Variants in RASSF9 observed in about 807,000 individuals in gnomAD.
The protein encoded by RASSF9 is Ras association domain family member 9.
RASSF9 carries 18 observed loss-of-function variants against 21.4 expected under a neutral mutation model. The ratio of observed to expected loss-of-function variants is 0.84; its 90% CI spans 0.58 to 1.25. RASSF9 has a LOEUF of 1.25. Ranked by LOEUF, RASSF9 falls within the 50% of genes most tolerant of loss-of-function variation. The pLI is 0.00. For missense variants in RASSF9, 480 were observed against 503.2 expected, an observed-to-expected ratio of 0.95 and a Z score of 0.44; for synonymous variants, 183 against 179.1, an observed-to-expected ratio of 1.02 and a Z score of -0.18.
At chr12:85,808,547 C>T (rs1397332472) in intron 1 of RASSF9, among the ~76,000 whole-genome samples, 1 of 152,004 alleles carries the variant, frequency 6.6e-6, no homozygotes, top group Non-Finnish European at 1.5e-5. Flanking sequence ...AGATATAAGA[C>T]ACAAATACTG....
At chr12:85,812,242 C>A (rs1879969339) in intron 1 of RASSF9, among the ~76,000 whole-genome samples, 1 of 151,490 alleles carries the variant, frequency 6.6e-6, no homozygotes, top group Admixed American at 6.6e-5. Flanking sequence ...CATAACTATT[C>A]TTAGTTGTAT....
rs1879717619 is a variant in RASSF9 at position 85,802,094 on chromosome 12, T to C, written c.*2608A>G. The stretch of plus-strand genomic sequence containing the variant: ...TGACCAAGGATGAATCTAGGTCCTG[T>C]TACAGAAATTAAGAATAGTCAGCTT... On this transcript the variant is annotated 3_prime_UTR_variant, in exon 2 of 2. Transcript: ENST00000361228. The C allele has an allele frequency of 6.6e-6, 1 of 152,208 alleles. No individual in the cohort carries two copies. The highest frequency in any genetic ancestry group is 2.1e-4 in the South Asian group (1 of 4,838). The allele number at this position is 152,208 out of a possible 1,614,324, so 9.4% of individuals were successfully genotyped here. A position where few individuals can be genotyped will look rare whatever the true frequency, so the allele number is the denominator to read the frequency against.
At chr12:85,825,764 G>A (rs1220097599) in intron 1 of RASSF9, among the ~76,000 whole-genome samples, 1 of 147,222 alleles carries the variant, frequency 6.8e-6, no homozygotes, top group Non-Finnish European at 1.5e-5. Flanking sequence ...AGATCAAAAG[G>A]TAAAAATAAT....
rs1253451394 is a variant in RASSF9 at position 85,802,571 on chromosome 12, A to T, written c.*2131T>A. The T allele has an allele frequency of 6.6e-6, 1 of 152,198 alleles. No individual in the cohort carries two copies. Among genetic ancestry groups the T allele is most frequent in the Non-Finnish European group, 1.5e-5 (1 of 68,004 alleles). 9.4% of individuals were successfully genotyped at this position (152,198 alleles called of 1,614,324 possible). ...CTGTGCTTAACTGTATAAAAGCAGA[A>T]GTTAATTCAAAGTTTCTAAGATGAA... On this transcript the variant is annotated 3_prime_UTR_variant, in exon 2 of 2. Transcript: ENST00000361228.
chr12:85,822,574 C>G (rs549747190), intron 1 of RASSF9, among the ~76,000 whole-genome samples: 1 of 152,236 alleles, frequency 6.6e-6, no homozygotes, highest in South Asian at 2.1e-4. Flanking sequence ...AGATATTATT[C>G]TTGGGAACAT....
At chr12:85,818,478 C>T (rs1880127836) in intron 1 of RASSF9, among the ~76,000 whole-genome samples, 1 of 152,042 alleles carries the variant, frequency 6.6e-6, no homozygotes, top group Non-Finnish European at 1.5e-5. Context: ...TATCTGAGTT[C>T]GATTTGAACC....
intron 1 of RASSF9, among the ~76,000 whole-genome samples, chr12:85,821,150 T>G (rs773544500): frequency 3.3e-5 from 5 of 150,784 alleles, no homozygotes; most frequent in Non-Finnish European, 5.9e-5. Context: ...AAATAAAAAA[T>G]AAAAGAAAAA....
chr12:85,833,399 C>T (rs149244321), intron 1 of RASSF9, among the ~76,000 whole-genome samples: 2,151 of 151,962 alleles, frequency 0.014, 14 homozygotes, highest in Non-Finnish European at 0.022. Flanking sequence ...ACAGATATGA[C>T]CCCACCTTCT....
intron 1 of RASSF9, among the ~76,000 whole-genome samples, chr12:85,820,126 A>G (rs531380226): frequency 9.2e-5 from 14 of 152,334 alleles, no homozygotes; most frequent in African/African-American, 3.4e-4. Context: ...TGTGTTTTAC[A>G]TTTTTAAATG....
Position 85,836,177 on chromosome 12 carries a change from G to A in RASSF9, c.25C>T (p.Leu9=). The change falls in exon 1 of 2, where the codon CTA becomes TTA. Residue 9 remains leucine, a synonymous_variant. Transcript: ENST00000361228. ...TACCTGTTTTTATGCCGAGTCTTTA[G>A]CAAGTTTCTTCCAAAGGGAGCCATG... The part of the protein sequence containing the change: MAPFGRNL[L]KTRHKNRSPT... 1.3e-6 allele frequency: 2 copies of A among 1,529,478 alleles called. No homozygotes were observed. The highest frequency in any genetic ancestry group is 1.4e-5 in the African/African-American group (1 of 71,482). 94.7% of individuals were successfully genotyped at this position (1,529,478 alleles called of 1,614,324 possible).
chr12:85,823,761 A>G (rs1300977471), intron 1 of RASSF9, among the ~76,000 whole-genome samples: 3 of 152,220 alleles, frequency 2.0e-5, no homozygotes, highest in Non-Finnish European at 2.9e-5. Flanking sequence ...GAGGCAAACC[A>G]TCGAAATCAA....
At chr12:85,828,247 C>A (rs930095656) in intron 1 of RASSF9, among the ~76,000 whole-genome samples, 1 of 151,962 alleles carries the variant, frequency 6.6e-6, no homozygotes, top group Non-Finnish European at 1.5e-5. Flanking sequence ...CTTAGAACAT[C>A]ATGTATATTT....
chr12:85,815,858 A>G lies in RASSF9; in HGVS notation c.48-9896T>C, dbSNP rs115105202. ...GCTAGATATAAAAATGCATGTACATACGCATATTTCATTGCAGCACTATTC... is the reference window on the plus strand; with the variant it reads ...GCTAGATATAAAAATGCATGTACATGCGCATATTTCATTGCAGCACTATTC... On this transcript the variant is annotated intron_variant, in intron 1 of 1. Transcript: ENST00000361228. Among the ~76,000 whole-genome samples the G allele has an allele frequency of 9.5e-3, 1,446 of 152,128 alleles. 27 individuals are homozygous for G. The highest frequency in any genetic ancestry group is 0.033 in the African/African-American group (1,350 of 41,518).
rs1879698451 is a variant in RASSF9, at chr12:85,801,477, G to A, written c.*3225C>T. The A allele has an allele frequency of 2.0e-5, 3 of 152,118 alleles. No homozygotes were observed. Among genetic ancestry groups the A allele is most frequent in the African/African-American group, 7.2e-5 (3 of 41,424 alleles). The allele number at this position is 152,118 out of a possible 1,614,324, so 9.4% of individuals were successfully genotyped here. A position where few individuals can be genotyped will look rare whatever the true frequency, so the allele number is the denominator to read the frequency against. On this transcript the variant is annotated 3_prime_UTR_variant, in exon 2 of 2. Transcript: ENST00000361228. ...GGAGCAGGGGGCAAAGAAGTTAATA[G>A]GAAAGAGTAAGGCTAACAAGACAGA...
chr12:85,825,942 C>A (rs1206177186), intron 1 of RASSF9, among the ~76,000 whole-genome samples: 1 of 152,088 alleles, frequency 6.6e-6, no homozygotes, highest in East Asian at 1.9e-4. Context: ...GATTAGTCAG[C>A]CTGACAGCCC....
chr12:85,824,364 T>G (rs985773695), intron 1 of RASSF9, among the ~76,000 whole-genome samples: 4 of 152,104 alleles, frequency 2.6e-5, no homozygotes, highest in Non-Finnish European at 5.9e-5. Flanking sequence ...ACTGTTTGTT[T>G]TATCCTTTCT....
chr12:85,806,881 A>C (rs915084036), intron 1 of RASSF9, among the ~76,000 whole-genome samples: 8 of 152,058 alleles, frequency 5.3e-5, no homozygotes, highest in African/African-American at 1.7e-4. Context: ...AAATGGAAAA[A>C]TCGTCATTCT....
At chr12:85,813,068 T>G (rs914632635) in intron 1 of RASSF9, among the ~76,000 whole-genome samples, 4 of 151,878 alleles carry the variant, frequency 2.6e-5, no homozygotes, top group African/African-American at 9.7e-5. Flanking sequence ...CACATTTCAC[T>G]GAAAAGATAG....
At chr12:85,808,587 T>C (rs1029688510) in intron 1 of RASSF9, among the ~76,000 whole-genome samples, 1 of 152,060 alleles carries the variant, frequency 6.6e-6, no homozygotes, top group Non-Finnish European at 1.5e-5. Flanking sequence ...GTTCTTTAAG[T>C]AAGTGATACT....
Sources: allele counts gnomAD v4.1 joint callset (sites outside exome capture counted in the v4.1 genomes callset), GRCh38; gene constraint gnomAD v4.1.1; transcripts MANE v1.5; gene names NCBI Gene and HGNC (gene_info 2026-07-23, HGNC 2026-07-21).